Variants in DNMBP observed in about 807,000 individuals in gnomAD.
DNMBP encodes dynamin binding protein.
DNMBP carries 87 observed loss-of-function variants against 150.0 expected under a neutral mutation model. The observed-to-expected ratio is 0.58, with a 90% confidence interval of 0.49 to 0.69. DNMBP has a LOEUF of 0.69. Among genes scored for constraint, DNMBP ranks in the 30% least tolerant of loss-of-function variants. DNMBP has a pLI of 0.00. For synonymous variants in DNMBP, 711 were observed against 750.4 expected, an observed-to-expected ratio of 0.95 and a Z score of 0.86; for missense variants, 1,774 against 1,949.0, an observed-to-expected ratio of 0.91 and a Z score of 1.69.
rs376375839 is a variant in DNMBP at position 99,957,183 on chromosome 10, G to A, written c.291C>T (p.Gly97=). ...LHRGDLVILD[G]IPTAGWLQGR... ...CCTGCAGCCAGCCTGCAGTGGGAAT[G>A]CCATCGAGAATCACCAGGTCACCTA... Residue 97 remains glycine (G), a synonymous_variant, in exon 4 of 17, where the codon GGC becomes GGT. Coordinates refer to ENST00000324109, the MANE Select transcript of DNMBP (RefSeq NM_015221.4). The A allele has an allele frequency of 3.0e-5, 48 of 1,604,550 alleles. No homozygotes were observed. Among genetic ancestry groups the A allele is most frequent in the Non-Finnish European group, 3.7e-5 (44 of 1,179,664 alleles).
chr10:99,879,395 T>A (rs1301195651), intron 16 of DNMBP, among the ~76,000 whole-genome samples: 2 of 152,040 alleles, frequency 1.3e-5, no homozygotes, highest in African/African-American at 4.8e-5. Flanking sequence ...TGCTTGAACT[T>A]GAGAGGTGGA....
chr10:99,921,525 A>G (rs1163315594), intron 4 of DNMBP, among the ~76,000 whole-genome samples: 1 of 152,142 alleles, frequency 6.6e-6, no homozygotes, highest in Non-Finnish European at 1.5e-5. Flanking sequence ...CACTCAACCT[A>G]CAGTACTTAG....
At chr10:99,907,399 G>GTT (rs754368026) in intron 6 of DNMBP, among the ~76,000 whole-genome samples, 3 of 145,262 alleles carry the variant, frequency 2.1e-5, no homozygotes, top group Non-Finnish European at 1.5e-5. Context: ...ATTTTCTTTT[G>GTT]TTTTTTTTTT....
intron 4 of DNMBP, among the ~76,000 whole-genome samples, chr10:99,942,165 C>A (rs981992276): frequency 6.6e-6 from 1 of 152,218 alleles, no homozygotes; most frequent in Non-Finnish European, 1.5e-5. Flanking sequence ...CTCCCACCCC[C>A]AGAAATGGTT....
At chr10:99,964,874 G>GA (rs757761293) in intron 3 of DNMBP, among the ~76,000 whole-genome samples, 1,831 of 134,850 alleles carry the variant, frequency 0.014, 33 homozygotes, top group East Asian at 0.078. Flanking sequence ...CCAGCCCAAG[G>GA]AAAAAAAAAA....
At chr10:99,972,264 T>C in intron 1 of DNMBP, 130 bp from the exon 2 acceptor site, 2 of 854,720 alleles carry the variant, frequency 2.3e-6, no homozygotes, top group Non-Finnish European at 3.5e-6. Flanking sequence ...AGCAAATAAG[T>C]TAGTACTTCC....
At position 99,955,547 on chromosome 10, in the gene DNMBP, G is replaced by A. The variant is rs139122036; in HGVS notation, c.1927C>T (p.Arg643Cys). The A allele has an allele frequency of 1.1e-5, 17 of 1,599,138 alleles. No individual in the cohort carries two copies. The highest frequency in any genetic ancestry group is 5.4e-5 in the African/African-American group (4 of 74,066). ...GCTGAGGGAGGCAGGGGAGCTGGGCGAGAGGGTCGCACCACCAAGGGTGGT... is the reference window on the plus strand; with the variant it reads ...GCTGAGGGAGGCAGGGGAGCTGGGCAAGAGGGTCGCACCACCAAGGGTGGT... Reference protein sequence around the residue: ...PAPPLVVRPSRPAPLPPSAQQ... With the variant: ...PAPPLVVRPSCPAPLPPSAQQ... The change falls in exon 4 of 17, where the codon CGC (arginine) becomes TGC (cysteine). Residue 643 changes from arginine (R) to cysteine (C), a missense_variant. Physicochemically the swap from Arg to Cys is radical, Grantham distance 180. Transcript: ENST00000324109.
intron 11 of DNMBP, among the ~76,000 whole-genome samples, chr10:99,893,816 C>T (rs1440405684): frequency 6.6e-6 from 1 of 152,124 alleles, no homozygotes; most frequent in Non-Finnish European, 1.5e-5. Flanking sequence ...GTGTATCTCC[C>T]ACCTACACAC....
At chr10:99,887,093 A>ATTT (rs77430741) in intron 12 of DNMBP, among the ~76,000 whole-genome samples, 43 of 145,308 alleles carry the variant, frequency 3.0e-4, no homozygotes, top group African/African-American at 4.5e-4. Flanking sequence ...GGTAATACCC[A>ATTT]TTTTTTTTTT....
At chr10:100,003,592 A>G (rs1053881768) in intron 1 of DNMBP, among the ~76,000 whole-genome samples, 8 of 152,274 alleles carry the variant, frequency 5.3e-5, no homozygotes, top group African/African-American at 1.7e-4. Flanking sequence ...AGTGGCTCAC[A>G]CTTGTAATCC....
At chr10:99,988,203 T>C (rs1013454013) in intron 1 of DNMBP, among the ~76,000 whole-genome samples, 1 of 152,244 alleles carries the variant, frequency 6.6e-6, no homozygotes, top group Non-Finnish European at 1.5e-5. Flanking sequence ...CTTGCATTCC[T>C]GGGATAAATT....
At chr10:99,985,103 T>A (rs2133370244) in intron 1 of DNMBP, among the ~76,000 whole-genome samples, 1 of 152,242 alleles carries the variant, frequency 6.6e-6, no homozygotes, top group African/African-American at 2.4e-5. Context: ...AGGAAAAGAA[T>A]TTAGAAAACT....
chr10:99,948,171 T>C (rs957781548), intron 4 of DNMBP, among the ~76,000 whole-genome samples: 1 of 152,188 alleles, frequency 6.6e-6, no homozygotes, highest in Non-Finnish European at 1.5e-5. Context: ...TTAAAATATA[T>C]AATCATATCA....
In DNMBP at chr10:99,908,102, A is replaced by C; in HGVS notation, c.2455-8T>G. On this transcript the variant is annotated splice_polypyrimidine_tract_variant and splice_region_variant and intron_variant, in intron 5 of 16. Coordinates refer to ENST00000324109, the MANE Select transcript of DNMBP (RefSeq NM_015221.4). ...AAAATCAATGTTTGGTACCTGAGAA[A>C]AGGAAACAAAACATAAAAATGCACG... 1 of 1,591,358 alleles carries C rather than the reference A, an allele frequency of 6.3e-7. No individual in the cohort carries two copies. Among genetic ancestry groups the C allele is most frequent in the Non-Finnish European group, 8.6e-7 (1 of 1,159,514 alleles).
At chr10:99,962,609 CG>C (rs1015115033) in intron 3 of DNMBP, among the ~76,000 whole-genome samples, 6 of 151,546 alleles carry the variant, frequency 4.0e-5, no homozygotes, top group Non-Finnish European at 5.9e-5. Flanking sequence ...CCAGCCTGGG[CG>C]ATAGAGCGAG....
chr10:99,956,035 C>G lies in DNMBP; in HGVS notation c.1439G>C (p.Arg480Thr). The change falls in exon 4 of 17, where the codon AGG becomes ACG. Residue 480 changes from arginine to threonine, a missense_variant. By Grantham distance (71) the Arg-to-Thr change is moderately conservative. Coordinates refer to ENST00000324109, the MANE Select transcript of DNMBP (RefSeq NM_015221.4). Reference sequence around the variant, plus strand: ...CCTTGAAGCTGAAACAGAAGAGCCCCTGTAAAGAGGGAGCACTGGCTTCTG... The same window carrying G: ...CCTTGAAGCTGAAACAGAAGAGCCCGTGTAAAGAGGGAGCACTGGCTTCTG... ...TLQKPVLPLY[R>T]GSSVSASRVV... 6.2e-7 allele frequency: 1 copy of G among 1,614,156 alleles called. No individual in the cohort carries two copies. The highest frequency in any genetic ancestry group is 8.5e-7 in the Non-Finnish European group (1 of 1,180,036).
At position 99,956,188 on chromosome 10, in the gene DNMBP, TA is replaced by T; in HGVS notation, c.1285del (p.Tyr429IlefsTer21). On this transcript the variant is annotated frameshift_variant, in exon 4 of 17. Coordinates refer to ENST00000324109, the MANE Select transcript of DNMBP (RefSeq NM_015221.4). LOFTEE classifies it high-confidence loss of function. ...GTGGCTCCCTCCCACTGTAGAATAA[TA>T]CTGGCTTTTCTGCAAGTTGGGATGA... ...PFHPNLQKSQ[Y>X]YSTVGGSHPH... 1 of 1,614,094 alleles carries T rather than the reference TA, an allele frequency of 6.2e-7. No individual in the cohort carries two copies. Among genetic ancestry groups the T allele is most frequent in the Non-Finnish European group, 8.5e-7 (1 of 1,180,026 alleles).
At chr10:99,885,600 A>C (rs1368699115) in intron 14 of DNMBP, 87 bp downstream of exon 14, 1 of 1,215,300 alleles carries the variant, frequency 8.2e-7, no homozygotes, top group Non-Finnish European at 1.1e-6. Context: ...AGAAACTCCA[A>C]TAGTGGGATC....
At chr10:99,925,885 TC>T (rs2040072776) in intron 4 of DNMBP, among the ~76,000 whole-genome samples, 1 of 152,212 alleles carries the variant, frequency 6.6e-6, no homozygotes, top group African/African-American at 2.4e-5. Context: ...CAAACAGACT[TC>T]AAGACCCAGT....
Sources: gnomAD v4.1 joint callset for allele counts (sites outside exome capture counted in the v4.1 genomes callset) on GRCh38, gnomAD v4.1.1 for gene constraint, MANE v1.5 for transcripts, NCBI Gene and HGNC (gene_info 2026-07-23, HGNC 2026-07-21) for gene names.